IMPG1: variants seen among roughly 807,000 people sequenced by gnomAD.
The protein encoded by IMPG1 is interphotoreceptor matrix proteoglycan of 150 kDa.
In IMPG1, 85 loss-of-function variants were observed where a neutral mutation model predicts 92.0. The ratio of observed to expected loss-of-function variants is 0.92; its 90% CI spans 0.78 to 1.11. The LOEUF is 1.11. Among genes scored for constraint, IMPG1 ranks in the 50% least tolerant of loss-of-function variants. The probability of loss-of-function intolerance (pLI) is 0.00; values close to 1 mark genes in which losing one functional copy is unlikely to be tolerated. For missense variants in IMPG1, 1,022 were observed against 956.0 expected (o/e 1.07, Z -0.91); for synonymous variants, 367 against 334.1 (o/e 1.10, Z -1.08).
chr6:75,941,360 T>G (rs1042360085), intron 14 of IMPG1, among the ~76,000 whole-genome samples: 3 of 152,258 alleles, frequency 2.0e-5, no homozygotes, highest in African/African-American at 7.2e-5. Flanking sequence ...AAGTTGACTG[T>G]GTGACCTTCA....
rs2149476821 is a variant in IMPG1, at chr6:76,002,931, C to T, written c.1278G>A (p.Glu426=). ...EPQLETVDGA[E]HGLPDTSWSP... ...GGGGAAACTTACCAGGTAGACCATG[C>T]TCTGCTCCGTCCACTGTCTCAAGCT... The change falls in exon 12 of 17, where the codon GAG becomes GAA. Residue 426 remains glutamate (E), a synonymous_variant. Transcript: ENST00000369950. The T allele has an allele frequency of 5.0e-6, 8 of 1,613,128 alleles. No individual in the cohort carries two copies. Among genetic ancestry groups the T allele is most frequent in the Non-Finnish European group, 6.8e-6 (8 of 1,179,196 alleles).
At chr6:76,039,683 G>A (rs1332033546) in intron 2 of IMPG1, among the ~76,000 whole-genome samples, 3 of 152,122 alleles carry the variant, frequency 2.0e-5, no homozygotes, top group South Asian at 2.1e-4. Flanking sequence ...TTGGGTATGG[G>A]AGGCAGAGAG....
chr6:76,044,533 G>A (rs545683257), intron 1 of IMPG1, among the ~76,000 whole-genome samples: 1 of 152,130 alleles, frequency 6.6e-6, no homozygotes, highest in Admixed American at 6.5e-5. Context: ...GGCTGGTCCT[G>A]TTCTTACTGC....
chr6:75,947,249 A>T, intron 14 of IMPG1, 65 bp downstream of exon 14: 1 of 1,291,488 alleles, frequency 7.7e-7, no homozygotes, highest in Non-Finnish European at 1.1e-6. Context: ...GTGTGCTTAA[A>T]AACAGAACGA....
chr6:75,941,437 C>T (rs1582055749), intron 14 of IMPG1, among the ~76,000 whole-genome samples: 3 of 152,354 alleles, frequency 2.0e-5, no homozygotes, highest in Admixed American at 2.0e-4. Context: ...ATCTGACCAG[C>T]TGCCTGCTTT....
chr6:75,945,647 G>T (rs1258707627), intron 14 of IMPG1, among the ~76,000 whole-genome samples: 1 of 152,036 alleles, frequency 6.6e-6, no homozygotes, highest in Non-Finnish European at 1.5e-5. Context: ...CACCACACCC[G>T]GCCAAAATTT....
chr6:75,974,921 T>G (rs1007399349), intron 12 of IMPG1, among the ~76,000 whole-genome samples: 6 of 152,258 alleles, frequency 3.9e-5, no homozygotes, highest in Admixed American at 3.3e-4. Flanking sequence ...TTGGTTTTTA[T>G]GCAGTGTTGT....
At chr6:76,044,488 G>A (rs750806226) in intron 1 of IMPG1, among the ~76,000 whole-genome samples, 3 of 152,152 alleles carry the variant, frequency 2.0e-5, no homozygotes, top group South Asian at 2.1e-4. Context: ...GTCCTGTTCC[G>A]TACCTTGTCA....
chr6:76,070,530 G>C (rs1784388484), intron 1 of IMPG1, among the ~76,000 whole-genome samples: 1 of 152,110 alleles, frequency 6.6e-6, no homozygotes, highest in Admixed American at 6.6e-5. Flanking sequence ...ATTTATTGCA[G>C]CACTATTACC....
At chr6:76,042,184 A>T in intron 1 of IMPG1, 58 bp from the exon 2 acceptor site, 1 of 891,420 alleles carries the variant, frequency 1.1e-6, no homozygotes. Flanking sequence ...TATATGTGAC[A>T]TATATGGATA....
chr6:75,928,842 A>G (rs755127992), intron 15 of IMPG1, among the ~76,000 whole-genome samples: 62 of 152,370 alleles, frequency 4.1e-4, no homozygotes, highest in Admixed American at 9.2e-4. Flanking sequence ...TGAACCTAAT[A>G]TACTTACAGT....
At chr6:76,045,084 C>G (rs904756656) in intron 1 of IMPG1, among the ~76,000 whole-genome samples, 69 of 152,230 alleles carry the variant, frequency 4.5e-4, no homozygotes, top group African/African-American at 1.6e-3. Flanking sequence ...GTAATGTGAA[C>G]CCATTTGCCT....
chr6:76,021,053 C>T (rs1783414821), intron 6 of IMPG1, among the ~76,000 whole-genome samples: 1 of 152,154 alleles, frequency 6.6e-6, no homozygotes, highest in African/African-American at 2.4e-5. Flanking sequence ...GAGAGTCTAG[C>T]ACATTTTAAA....
Position 75,945,345 on chromosome 6 carries a change from CT to C in IMPG1, c.2044+1968del, listed in dbSNP as rs1247870761. ...TACCATCTCCATTTTCTTTTCTTCT[CT>C]TTTTTTTTTTTCTTTTTTTTTTTTG... On this transcript the variant is annotated intron_variant, in intron 14 of 16. Coordinates refer to ENST00000369950, the MANE Select transcript of IMPG1 (RefSeq NM_001563.4). Among the ~76,000 whole-genome samples the C allele has an allele frequency of 5.2e-3, 704 of 134,510 alleles. 5 individuals are homozygous for C. Among genetic ancestry groups the C allele is most frequent in the African/African-American group, 0.017 (587 of 34,164 alleles). The allele number at this position is 134,510 out of a possible 152,430, so 88.2% of individuals were successfully genotyped here. A position where few individuals can be genotyped will look rare whatever the true frequency, so the allele number is the denominator to read the frequency against.
At chr6:76,049,183 G>T (rs1385092471) in intron 1 of IMPG1, among the ~76,000 whole-genome samples, 5 of 152,124 alleles carry the variant, frequency 3.3e-5, no homozygotes, top group South Asian at 2.1e-4. Flanking sequence ...ACATGCTGGG[G>T]CCTATCAGAG....
At chr6:75,974,360 TTTC>T (rs1562354465) in intron 12 of IMPG1, among the ~76,000 whole-genome samples, 2,273 of 124,128 alleles carry the variant, frequency 0.018, 29 homozygotes, top group Middle Eastern at 0.038. Context: ...TCTTTCTTTC[TTTC>T]TTTCTTTCTT....
At chr6:75,941,567 T>C (rs1444269280) in intron 14 of IMPG1, among the ~76,000 whole-genome samples, 1 of 152,250 alleles carries the variant, frequency 6.6e-6, no homozygotes, top group African/African-American at 2.4e-5. Context: ...TATTTACTGT[T>C]TGGCTTTTAA....
At position 76,005,559 on chromosome 6, in the gene IMPG1, C is replaced by T. The variant is rs759778714; in HGVS notation, c.888-25G>A. 7 of 1,608,748 alleles carry T rather than the reference C, an allele frequency of 4.4e-6. No homozygotes were observed. In the African/African-American group the frequency reaches 5.4e-5, roughly 12 times the overall value. On this transcript the variant is annotated intron_variant, in intron 9 of 16. Coordinates refer to ENST00000369950, the MANE Select transcript of IMPG1 (RefSeq NM_001563.4). ...GCTGTAGATAGCAGAGGACACATTCCCCACCCAAAGCCATTGTTACATGCC... is the reference window on the plus strand; with the variant it reads ...GCTGTAGATAGCAGAGGACACATTCTCCACCCAAAGCCATTGTTACATGCC...
intron 14 of IMPG1, among the ~76,000 whole-genome samples, chr6:75,941,710 G>A (rs1032311254): frequency 2.6e-5 from 4 of 152,118 alleles, no homozygotes; most frequent in Non-Finnish European, 4.4e-5. Flanking sequence ...TGCAATGATT[G>A]TAGTTTCTGT....
Sources: gnomAD v4.1 joint callset for allele counts (sites outside exome capture counted in the v4.1 genomes callset) on GRCh38, gnomAD v4.1.1 for gene constraint, MANE v1.5 for transcripts, NCBI Gene and HGNC (gene_info 2026-07-23, HGNC 2026-07-21) for gene names.